RPSA: variants seen among roughly 807,000 people sequenced by gnomAD.
RPSA encodes small ribosomal subunit protein uS2.
For synonymous variants in RPSA, 103 were observed against 126.7 expected, an observed-to-expected ratio of 0.81 and a Z score of 1.25; for missense variants, 140 against 372.8, an observed-to-expected ratio of 0.38 and a Z score of 5.14.
chr3:39,407,470 C>T, intron 1 of RPSA, 151 bp from the exon 2 acceptor site: 1 of 697,760 alleles, frequency 1.4e-6, no homozygotes, highest in East Asian at 2.6e-5. Flanking sequence ...CCGTAATACA[C>T]GACATGTATG....
chr3:39,407,510 C>T (rs1174202151), intron 1 of RPSA, 111 bp from the exon 2 acceptor site: 5 of 812,698 alleles, frequency 6.2e-6, no homozygotes, highest in East Asian at 4.9e-5. Flanking sequence ...CTTCACTACA[C>T]TGTAAGCTCA....
At chr3:39,410,344 A>G (rs1016394435) in intron 3 of RPSA, 12 of 206,314 alleles carry the variant, frequency 5.8e-5, no homozygotes, top group East Asian at 2.1e-4. Flanking sequence ...CTTTATTTCA[A>G]TGTTGACAGG....
chr3:39,407,395 C>T (rs1005155815), intron 1 of RPSA, among the ~76,000 whole-genome samples: 9 of 152,112 alleles, frequency 5.9e-5, no homozygotes, highest in Non-Finnish European at 1.2e-4. Flanking sequence ...TCGCTAATTT[C>T]GTGTAGTTTT....
chr3:39,408,418 G>A (rs758306417), intron 2 of RPSA, 188 bp from the exon 3 acceptor site: 2 of 763,600 alleles, frequency 2.6e-6, no homozygotes, highest in Non-Finnish European at 4.9e-6. Context: ...CAGGGTGGAG[G>A]CCAGTCTTGG....
intron 3 of RPSA, chr3:39,410,525 C>T: frequency 1.8e-6 from 1 of 551,828 alleles, no homozygotes. Flanking sequence ...TAGATTGGGC[C>T]AGGTAGTGTT....
intron 3 of RPSA, chr3:39,410,473 A>C: frequency 2.2e-6 from 1 of 455,552 alleles, no homozygotes; most frequent in Non-Finnish European, 4.1e-6. Flanking sequence ...GAATGAACTG[A>C]GTGACAGTTC....
At chr3:39,406,982 G>C (rs983597496) in intron 1 of RPSA, 2 of 451,530 alleles carry the variant, frequency 4.4e-6, no homozygotes, top group Non-Finnish European at 8.9e-6. Context: ...GCCCTCCAGC[G>C]GAGGCTCCGA....
At chr3:39,409,184 C>CTGTTTT (rs2041967300) in intron 3 of RPSA, among the ~76,000 whole-genome samples, 1 of 85,426 alleles carries the variant, frequency 1.2e-5, no homozygotes, top group Non-Finnish European at 2.1e-5. Flanking sequence ...TATGACCTTC[C>CTGTTTT]TTTTTTTTTT....
At chr3:39,409,464 G>C (rs1178127864) in intron 3 of RPSA, among the ~76,000 whole-genome samples, 1 of 152,188 alleles carries the variant, frequency 6.6e-6, no homozygotes, top group Admixed American at 6.5e-5. Flanking sequence ...GCCTCCCAAA[G>C]TGTTGGGATT....
Position 39,411,982 on chromosome 3 carries a change from C to T in RPSA, c.714C>T (p.Phe238=). 6.2e-7 allele frequency: 1 copy of T among 1,602,912 alleles called. No homozygotes were observed. Among genetic ancestry groups the T allele is most frequent in the Non-Finnish European group, 8.5e-7 (1 of 1,179,830 alleles). Residue 238 remains phenylalanine, a synonymous_variant, in exon 6 of 7, where the codon TTC becomes TTT. Coordinates refer to ENST00000301821, the MANE Select transcript of RPSA (RefSeq NM_002295.6). The part of the protein sequence containing the change: ...QGEWTAPAPE[F]TATQPEVADW... ...AATGGACTGCTCCCGCTCCTGAGTT[C>T]ACTGCTACTCAGCCTGAGGTTGCAG...
chr3:39,409,260 G>T (rs62242644), intron 3 of RPSA, among the ~76,000 whole-genome samples: 56,153 of 143,664 alleles, frequency 0.39, 13,269 homozygotes, highest in East Asian at 0.59. Flanking sequence ...GGACTGCAGT[G>T]GTGTGATATC....
At chr3:39,406,869 G>A (rs1281039962) in intron 1 of RPSA, 105 bp downstream of exon 1, 16 of 456,316 alleles carry the variant, frequency 3.5e-5, no homozygotes, top group Middle Eastern at 3.2e-4. Flanking sequence ...GGTCAGACTG[G>A]ATCTGTCTCC....
intron 3 of RPSA, among the ~76,000 whole-genome samples, chr3:39,409,837 A>AAAAG (rs1236868223): frequency 1.2e-5 from 1 of 82,724 alleles, no homozygotes; most frequent in Admixed American, 1.3e-4. Context: ...CCTGTTTCTT[A>AAAAG]AAAAAGCCAG....
intron 2 of RPSA, chr3:39,408,312 G>A (rs2041950698): frequency 1.8e-6 from 1 of 554,916 alleles, no homozygotes; most frequent in African/African-American, 1.9e-5. Flanking sequence ...AAGCCAGGAA[G>A]TGGATTATTA....
chr3:39,407,500 C>G (rs1372228235), intron 1 of RPSA, 121 bp from the exon 2 acceptor site: 5 of 776,594 alleles, frequency 6.4e-6, no homozygotes, highest in Middle Eastern at 3.6e-4. Flanking sequence ...TCTGTTTACC[C>G]TTCACTACAC....
intron 6 of RPSA, 91 bp downstream of exon 6, chr3:39,412,152 G>T: frequency 7.1e-7 from 1 of 1,417,262 alleles, no homozygotes; most frequent in Non-Finnish European, 1.0e-6. Context: ...TTTTATACTA[G>T]CTTTAAGAGG....
Position 39,410,736 on chromosome 3 carries a change from C to T in RPSA, c.253-18C>T, listed in dbSNP as rs2041993988. 6.2e-7 allele frequency: 1 copy of T among 1,613,896 alleles called. No homozygotes were observed. The highest frequency in any genetic ancestry group is 8.5e-7 in the Non-Finnish European group (1 of 1,179,842). On this transcript the variant is annotated intron_variant, in intron 3 of 6. Coordinates refer to ENST00000301821, the MANE Select transcript of RPSA (RefSeq NM_002295.6). ...GCTGTGGAATATCGAGTACCACTAA[C>T]TTTTAAATTCTTCAAAGAGGGCTGT...
At chr3:39,412,212 G>A in intron 6 of RPSA, 62 bp from the exon 7 acceptor site, 2 of 1,405,866 alleles carry the variant, frequency 1.4e-6, no homozygotes, top group South Asian at 2.3e-5. Context: ...TTGGGAGTGG[G>A]GTAAGGAAAA....
At chr3:39,411,294 A>C (rs1171769897) in intron 4 of RPSA, 2 of 655,030 alleles carry the variant, frequency 3.1e-6, no homozygotes, top group Non-Finnish European at 5.7e-6. Context: ...TTTCTTGCTC[A>C]GGCCTCAGGC....
Sources: allele counts gnomAD v4.1 joint callset (sites outside exome capture counted in the v4.1 genomes callset), GRCh38; gene constraint gnomAD v4.1.1; transcripts MANE v1.5; gene names NCBI Gene and HGNC (gene_info 2026-07-23, HGNC 2026-07-21).